The following RAB10 variants were observed in gnomAD, a reference collection of about 807,000 sequenced individuals.
RAB10 encodes RAB10, member RAS oncogene family.
In RAB10, 5 loss-of-function variants were observed where a neutral mutation model predicts 25.7. That is an observed-to-expected ratio of 0.19 (90% CI 0.10 to 0.41). RAB10 has a LOEUF of 0.41. Ranked by LOEUF, RAB10 falls within the 10% of genes least tolerant of loss-of-function variation. RAB10 has a pLI of 1.00. For synonymous variants in RAB10, 89 were observed against 86.4 expected (o/e 1.03, Z -0.16); for missense variants, 103 against 245.8 (o/e 0.42, Z 3.89).
chr2:26,059,245 G>A (rs1228397322), intron 1 of RAB10, among the ~76,000 whole-genome samples: 1 of 152,146 alleles, frequency 6.6e-6, no homozygotes. Context: ...ACTTAAAGTT[G>A]GAGATGCAGT....
At chr2:26,118,735 T>C (rs1667742459) in intron 3 of RAB10, among the ~76,000 whole-genome samples, 1 of 152,184 alleles carries the variant, frequency 6.6e-6, no homozygotes, top group Non-Finnish European at 1.5e-5. Flanking sequence ...CCAAAATGTC[T>C]GTATGGCCGA....
intron 5 of RAB10, among the ~76,000 whole-genome samples, chr2:26,130,737 C>T (rs1048758689): frequency 6.6e-5 from 10 of 151,962 alleles, no homozygotes; most frequent in Non-Finnish European, 1.0e-4. Context: ...GTGTGAGCCA[C>T]GTGCCAAAAA....
chr2:26,085,585 C>G (rs1391691927), intron 1 of RAB10, among the ~76,000 whole-genome samples: 1 of 151,568 alleles, frequency 6.6e-6, no homozygotes, highest in Admixed American at 6.6e-5. Context: ...TGTTCCTGCT[C>G]TAAAGCTTTT....
chr2:26,104,693 T>C (rs2149282143), intron 2 of RAB10, among the ~76,000 whole-genome samples: 2 of 152,232 alleles, frequency 1.3e-5, no homozygotes, highest in East Asian at 1.9e-4. Flanking sequence ...TAAGAGTTTT[T>C]ATAGTTCAGC....
At chr2:26,088,705 C>T (rs1667039964) in intron 1 of RAB10, among the ~76,000 whole-genome samples, 1 of 152,094 alleles carries the variant, frequency 6.6e-6, no homozygotes, top group South Asian at 2.1e-4. Context: ...CCTCCCCCTC[C>T]CCGGTTCAAG....
chr2:26,044,147 A>G (rs1020660564), intron 1 of RAB10, among the ~76,000 whole-genome samples: 2 of 152,202 alleles, frequency 1.3e-5, no homozygotes, highest in Non-Finnish European at 2.9e-5. Flanking sequence ...ATTTAATGTT[A>G]TGTTTTAGAA....
intron 1 of RAB10, among the ~76,000 whole-genome samples, chr2:26,089,279 CG>C (rs768270408): frequency 6.6e-6 from 1 of 151,796 alleles, no homozygotes; most frequent in South Asian, 2.1e-4. Flanking sequence ...AAAAATTAGC[CG>C]GGCATGATGG....
intron 4 of RAB10, 32 bp downstream of exon 4, chr2:26,127,265 C>G: frequency 6.8e-7 from 1 of 1,473,352 alleles, no homozygotes; most frequent in Non-Finnish European, 9.3e-7. Flanking sequence ...ATACTCTGCT[C>G]TGTCTTTGTA....
chr2:26,034,508 C>T lies in RAB10; in HGVS notation c.-101C>T. 5 of 1,505,736 alleles carry T rather than the reference C, an allele frequency of 3.3e-6. No individual in the cohort carries two copies. Among genetic ancestry groups the T allele is most frequent in the South Asian group, 1.2e-5 (1 of 83,298 alleles). The allele number at this position is 1,505,736 out of a possible 1,614,324, so 93.3% of individuals were successfully genotyped here. Reference sequence around the variant, plus strand: ...CTCGAGCCTTTTTCCCACGCTTCCCCGGTCCTCCGGCCTGAGAACGCCCGA... The same window carrying T: ...CTCGAGCCTTTTTCCCACGCTTCCCTGGTCCTCCGGCCTGAGAACGCCCGA... On this transcript the variant is annotated 5_prime_UTR_variant, in exon 1 of 6. Transcript: ENST00000264710.
intron 1 of RAB10, among the ~76,000 whole-genome samples, chr2:26,082,806 T>A (rs1440920412): frequency 6.6e-6 from 1 of 152,178 alleles, no homozygotes; most frequent in Non-Finnish European, 1.5e-5. Context: ...CTATCCCTAA[T>A]GAACATAGAG....
At chr2:26,062,533 C>A (rs1666423411) in intron 1 of RAB10, among the ~76,000 whole-genome samples, 1 of 151,980 alleles carries the variant, frequency 6.6e-6, no homozygotes, top group Non-Finnish European at 1.5e-5. Context: ...CAAAAATAAG[C>A]TGGACCTGGT....
At position 26,135,875 on chromosome 2, in the gene RAB10, AG is replaced by A. The variant is rs1668101716; in HGVS notation, c.*855del. 6.6e-6 allele frequency: 1 copy of A among 152,618 alleles called. No homozygotes were observed. The highest frequency in any genetic ancestry group is 1.5e-5 in the Non-Finnish European group (1 of 68,048). The allele number at this position is 152,618 out of a possible 1,614,324, so 9.5% of individuals were successfully genotyped here. A position where few individuals can be genotyped will look rare whatever the true frequency, so the allele number is the denominator to read the frequency against. On this transcript the variant is annotated 3_prime_UTR_variant, in exon 6 of 6. Transcript: ENST00000264710. The stretch of plus-strand genomic sequence containing the variant: ...AAGGGACAAACTAGTAGGTTTGTCA[AG>A]TTTAATATAAAGCACTGATGTAACT...
chr2:26,039,349 A>AT (rs1436203377), intron 1 of RAB10, among the ~76,000 whole-genome samples: 2 of 149,424 alleles, frequency 1.3e-5, no homozygotes, highest in Non-Finnish European at 3.0e-5. Flanking sequence ...AAGTAAAAAA[A>AT]TTTTTTTTCT....
chr2:26,115,356 GATGA>G (rs1190357661), intron 3 of RAB10, among the ~76,000 whole-genome samples: 2 of 151,988 alleles, frequency 1.3e-5, no homozygotes. Flanking sequence ...TCCATCAACT[GATGA>G]ATGGATAAAT....
At position 26,129,184 on chromosome 2, in the gene RAB10, C is replaced by T. The variant is rs143817739; in HGVS notation, c.519+1233C>T. On this transcript the variant is annotated intron_variant, in intron 5 of 5. Coordinates refer to ENST00000264710, the MANE Select transcript of RAB10 (RefSeq NM_016131.5). Reference sequence around the variant, plus strand: ...TCTTGGGAGGCTGAGGCAGAAGAATCCCTTGAACCAGGGAGTCAGAGGTTG... The same window carrying T: ...TCTTGGGAGGCTGAGGCAGAAGAATTCCTTGAACCAGGGAGTCAGAGGTTG... Among the ~76,000 whole-genome samples the T allele has an allele frequency of 7.9e-5, 12 of 151,164 alleles. No individual in the cohort carries two copies. In the East Asian group the frequency reaches 2.3e-3, roughly 29 times the overall value.
At chr2:26,035,978 A>G (rs188057545) in intron 1 of RAB10, among the ~76,000 whole-genome samples, 1 of 152,318 alleles carries the variant, frequency 6.6e-6, no homozygotes, top group African/African-American at 2.4e-5. Context: ...AATTATCATA[A>G]TCCTTATTTC....
At chr2:26,114,518 C>G (rs1299623343) in intron 3 of RAB10, among the ~76,000 whole-genome samples, 1 of 151,998 alleles carries the variant, frequency 6.6e-6, no homozygotes, top group Non-Finnish European at 1.5e-5. Flanking sequence ...ACAAATGGTG[C>G]TGGGAAAACT....
intron 2 of RAB10, among the ~76,000 whole-genome samples, chr2:26,099,917 C>G (rs760598848): frequency 6.6e-6 from 1 of 152,050 alleles, no homozygotes; most frequent in Non-Finnish European, 1.5e-5. Context: ...ATGACTGTAT[C>G]TACCCCGCAG....
intron 1 of RAB10, among the ~76,000 whole-genome samples, chr2:26,078,947 T>A (rs1412975916): frequency 6.6e-6 from 1 of 152,170 alleles, no homozygotes; most frequent in Non-Finnish European, 1.5e-5. Context: ...CTCAGCACTT[T>A]GGGAGGCCAA....
Sources: gnomAD v4.1 joint callset for allele counts (sites outside exome capture counted in the v4.1 genomes callset) on GRCh38, gnomAD v4.1.1 for gene constraint, MANE v1.5 for transcripts, NCBI Gene and HGNC (gene_info 2026-07-23, HGNC 2026-07-21) for gene names.